Variants in PTPRD observed in about 807,000 individuals in gnomAD.
PTPRD encodes receptor-type tyrosine-protein phosphatase delta.
PTPRD carries 34 observed loss-of-function variants against 214.5 expected under a neutral mutation model. The ratio of observed to expected loss-of-function variants is 0.16; its 90% confidence interval spans 0.12 to 0.21. The LOEUF (loss-of-function observed/expected upper bound fraction) is 0.21. Among genes scored for constraint, PTPRD ranks in the 10% least tolerant of loss-of-function variants. The pLI, the probability that PTPRD is intolerant of heterozygous loss-of-function variation, is 1.00. For missense variants in PTPRD, 2,545 were observed against 2,398.7 expected, an observed-to-expected ratio of 1.06 and a Z score of -1.27; for synonymous variants, 1,128 against 845.7, an observed-to-expected ratio of 1.33 and a Z score of -5.79.
intron 5 of PTPRD, among the ~76,000 whole-genome samples, chr9:9,926,192 ATTT>A (rs2084246372): frequency 6.6e-6 from 1 of 152,042 alleles, no homozygotes; most frequent in Admixed American, 6.6e-5. Context: ...CTTACCTAAT[ATTT>A]TCCTAAGTCA....
intron 6 of PTPRD, among the ~76,000 whole-genome samples, chr9:9,738,292 C>G (rs1271884169): frequency 1.3e-5 from 2 of 152,062 alleles, no homozygotes; most frequent in East Asian, 3.9e-4. Context: ...AAAATCATAG[C>G]TATATGGTGG....
At chr9:9,420,862 A>G (rs2078551338) in intron 8 of PTPRD, among the ~76,000 whole-genome samples, 1 of 151,840 alleles carries the variant, frequency 6.6e-6, no homozygotes. Flanking sequence ...AAGAAAAAAT[A>G]TCTTTTCATA....
chr9:9,397,965 T>A (rs946733034), intron 8 of PTPRD, among the ~76,000 whole-genome samples: 2 of 151,906 alleles, frequency 1.3e-5, no homozygotes, highest in African/African-American at 4.8e-5. Context: ...CTTTAGTAGG[T>A]TGGTCCTATT....
intron 10 of PTPRD, among the ~76,000 whole-genome samples, chr9:9,047,638 A>G (rs1393044792): frequency 2.0e-5 from 3 of 152,150 alleles, no homozygotes; most frequent in African/African-American, 7.2e-5. Context: ...CCAAGAACAT[A>G]TACTGGGGAA....
At chr9:9,478,162 T>G (rs1462359687) in intron 8 of PTPRD, among the ~76,000 whole-genome samples, 1 of 152,188 alleles carries the variant, frequency 6.6e-6, no homozygotes, top group African/African-American at 2.4e-5. Context: ...ATAAGTAAAC[T>G]GCCCTGTTAA....
In PTPRD at chr9:8,722,123, C is replaced by CTGTGTGTGTGTG. The variant is rs34720946; in HGVS notation, c.64+11645_64+11656dup. Among the ~76,000 whole-genome samples the CTGTGTGTGTGTG allele has an allele frequency of 5.8e-3, 855 of 147,446 alleles. 6 individuals are homozygous for CTGTGTGTGTGTG. Among genetic ancestry groups the CTGTGTGTGTGTG allele is most frequent in the African/African-American group, 0.014 (574 of 40,390 alleles). The stretch of plus-strand genomic sequence containing the variant: ...ATTTCTCCATACATTAAGTATTACT[C>CTGTGTGTGTGTG]TGTGTGTGTGTGTGTGTGTGTGTGT... On this transcript the variant is annotated intron_variant, in intron 12 of 45. Coordinates refer to ENST00000381196, the MANE Select transcript of PTPRD (RefSeq NM_002839.4).
At chr9:8,635,749 TCAGG>T (rs1483798997) in intron 13 of PTPRD, among the ~76,000 whole-genome samples, 1 of 152,150 alleles carries the variant, frequency 6.6e-6, no homozygotes, top group Non-Finnish European at 1.5e-5. Context: ...TTTCACAATT[TCAGG>T]CAGTTTGGGG....
At chr9:9,983,484 C>T (rs529432698) in intron 4 of PTPRD, among the ~76,000 whole-genome samples, 1 of 152,164 alleles carries the variant, frequency 6.6e-6, no homozygotes, top group South Asian at 2.1e-4. Context: ...TTTGTAAAGT[C>T]CTTTATTACA....
chr9:8,603,122 T>C (rs906243462), intron 14 of PTPRD, among the ~76,000 whole-genome samples: 5 of 152,222 alleles, frequency 3.3e-5, no homozygotes, highest in Non-Finnish European at 5.9e-5. Context: ...CATGGAAGTA[T>C]ACTATAATCC....
chr9:9,120,508 G>C (rs1367160299), intron 10 of PTPRD, among the ~76,000 whole-genome samples: 2 of 152,182 alleles, frequency 1.3e-5, no homozygotes, highest in African/African-American at 4.8e-5. Context: ...TATGAAAGCT[G>C]TGCATGCCTC....
At chr9:9,796,855 T>G (rs1316545054) in intron 5 of PTPRD, among the ~76,000 whole-genome samples, 1 of 152,162 alleles carries the variant, frequency 6.6e-6, no homozygotes, top group Non-Finnish European at 1.5e-5. Context: ...GCTACATAAA[T>G]TCAACATATA....
At chr9:9,619,879 G>C (rs1052097056) in intron 7 of PTPRD, among the ~76,000 whole-genome samples, 1 of 147,678 alleles carries the variant, frequency 6.8e-6, no homozygotes, top group Admixed American at 6.8e-5. Flanking sequence ...ATATAATATA[G>C]ATGTTTTTAT....
At chr9:9,608,698 T>G (rs111949630) in intron 7 of PTPRD, among the ~76,000 whole-genome samples, 3 of 152,312 alleles carry the variant, frequency 2.0e-5, no homozygotes, top group African/African-American at 4.8e-5. Context: ...TACTCAGAAT[T>G]TCTACCCAGT....
intron 5 of PTPRD, among the ~76,000 whole-genome samples, chr9:9,884,813 G>A (rs548186163): frequency 2.0e-4 from 30 of 152,204 alleles, no homozygotes; most frequent in Middle Eastern, 6.8e-3. Context: ...TCTCCTTGCC[G>A]CTGCCATGTG....
At chr9:8,869,549 T>A (rs774113046) in intron 11 of PTPRD, among the ~76,000 whole-genome samples, 1 of 151,814 alleles carries the variant, frequency 6.6e-6, no homozygotes, top group South Asian at 2.1e-4. Context: ...CTCCCAGGAG[T>A]CAGAATTGTT....
rs138867963 is a variant in PTPRD, at chr9:8,373,265, A to T, written c.4661+2671T>A. ...AACTTGGCTTGTATTCAACTCAAGGATTCAAGATAACATGGATGTTGACGA... is the reference window on the plus strand; with the variant it reads ...AACTTGGCTTGTATTCAACTCAAGGTTTCAAGATAACATGGATGTTGACGA... On this transcript the variant is annotated intron_variant, in intron 39 of 45. Coordinates refer to ENST00000381196, the MANE Select transcript of PTPRD (RefSeq NM_002839.4). 3.4e-3 allele frequency among the ~76,000 whole-genome samples: 524 copies of T among 152,086 alleles called. 4 individuals are homozygous for T. The highest frequency in any genetic ancestry group is 0.012 in the African/African-American group (483 of 41,504).
intron 3 of PTPRD, among the ~76,000 whole-genome samples, chr9:10,217,604 G>A (rs954844221): frequency 6.6e-6 from 1 of 151,942 alleles, no homozygotes; most frequent in African/African-American, 2.4e-5. Context: ...TACTTGAGAT[G>A]AGCTTAATGC....
chr9:9,728,387 T>C (rs532847960), intron 7 of PTPRD, among the ~76,000 whole-genome samples: 1 of 152,318 alleles, frequency 6.6e-6, no homozygotes, highest in East Asian at 1.9e-4. Flanking sequence ...TTCCAGGTAA[T>C]TGTATACAAT....
At chr9:9,996,353 A>G (rs1421675898) in intron 4 of PTPRD, among the ~76,000 whole-genome samples, 2 of 152,214 alleles carry the variant, frequency 1.3e-5, no homozygotes, top group Admixed American at 1.3e-4. Flanking sequence ...ATAGTGAATT[A>G]GGATATTAAA....
Sources: gnomAD v4.1 joint callset for allele counts (sites outside exome capture counted in the v4.1 genomes callset) on GRCh38, gnomAD v4.1.1 for gene constraint, MANE v1.5 for transcripts, NCBI Gene and HGNC (gene_info 2026-07-23, HGNC 2026-07-21) for gene names.